PIGP: variants seen among roughly 807,000 people sequenced by gnomAD.
PIGP encodes phosphatidylinositol N-acetylglucosaminyltransferase subunit P.
In PIGP, 12 loss-of-function variants were observed where a neutral mutation model predicts 16.9. That is an observed-to-expected ratio of 0.71 (90% confidence interval 0.46 to 1.15). PIGP has a LOEUF of 1.15. Among genes scored for constraint, PIGP ranks in the 50% most tolerant of loss-of-function variants. The pLI, the probability that PIGP is intolerant of heterozygous loss-of-function variation, is 0.00. For synonymous variants in PIGP, 57 were observed against 54.7 expected (o/e 1.04, Z -0.18); for missense variants, 159 against 153.5 (o/e 1.04, Z -0.19).
Position 37,067,376 on chromosome 21 carries a change from A to T in PIGP, c.160T>A (p.Trp54Arg). The change falls in exon 4 of 5, where the codon TGG (tryptophan) becomes AGG (arginine). Residue 54 changes from tryptophan (W) to arginine (R), a missense_variant. By Grantham distance (101) the Trp-to-Arg change is moderately radical. Coordinates refer to ENST00000360525, the MANE Select transcript of PIGP (RefSeq NM_153682.3). ...AGGTAGACAGGTAATGCAACTGCCCAATATCTGCCAAAGAGAATATTAAAG... is the reference window on the plus strand; with the variant it reads ...AGGTAGACAGGTAATGCAACTGCCCTATATCTGCCAAAGAGAATATTAAAG... The part of the protein sequence containing the change: ...LGLTYWPQKY[W>R]AVALPVYLLI... 1 of 1,530,356 alleles carries T rather than the reference A, an allele frequency of 6.5e-7. No individual in the cohort carries two copies. The highest frequency in any genetic ancestry group is 9.1e-7 in the Non-Finnish European group (1 of 1,103,974). The allele number at this position is 1,530,356 out of a possible 1,614,324, so 94.8% of individuals were successfully genotyped here. A position where few individuals can be genotyped will look rare whatever the true frequency, so the allele number is the denominator to read the frequency against.
intron 2 of PIGP, 164 bp downstream of exon 2, chr21:37,072,270 C>T (rs2070112354): frequency 3.1e-6 from 5 of 1,608,768 alleles, no homozygotes; most frequent in Middle Eastern, 1.7e-4. Context: ...CTAGTGCTGG[C>T]ACACGGAACA....
chr21:37,067,794 T>C (rs550018746), intron 3 of PIGP, among the ~76,000 whole-genome samples: 5 of 152,332 alleles, frequency 3.3e-5, no homozygotes, highest in Admixed American at 6.5e-5. Context: ...TAGAAATAAT[T>C]GTACCTACAT....
At chr21:37,070,326 ATTC>A (rs916698669) in intron 2 of PIGP, among the ~76,000 whole-genome samples, 1 of 152,220 alleles carries the variant, frequency 6.6e-6, no homozygotes, top group Non-Finnish European at 1.5e-5. Flanking sequence ...GTGATGATGC[ATTC>A]TTTTCTTAAC....
At chr21:37,068,591 T>TA (rs2069946310) in intron 3 of PIGP, among the ~76,000 whole-genome samples, 1 of 152,306 alleles carries the variant, frequency 6.6e-6, no homozygotes, top group East Asian at 1.9e-4. Context: ...TCTGGTAACT[T>TA]AGAGTAGTCC....
At chr21:37,067,983 T>C (rs1047584806) in intron 3 of PIGP, among the ~76,000 whole-genome samples, 1 of 150,382 alleles carries the variant, frequency 6.6e-6, no homozygotes, top group Non-Finnish European at 1.5e-5. Flanking sequence ...TATCATTATG[T>C]ACATGGAGTG....
At chr21:37,066,625 A>T (rs2069907738) in intron 4 of PIGP, among the ~76,000 whole-genome samples, 1 of 152,190 alleles carries the variant, frequency 6.6e-6, no homozygotes. Context: ...TTATCCACTT[A>T]ATTGGAATAA....
intron 3 of PIGP, among the ~76,000 whole-genome samples, chr21:37,068,204 G>C (rs1431367427): frequency 8.3e-6 from 1 of 119,774 alleles, no homozygotes; most frequent in Non-Finnish European, 2.0e-5. Flanking sequence ...ATGTTGGCCA[G>C]ATGTTTTTTT....
intron 4 of PIGP, among the ~76,000 whole-genome samples, chr21:37,066,148 G>C (rs2069899998): frequency 6.6e-6 from 1 of 151,888 alleles, no homozygotes; most frequent in Non-Finnish European, 1.5e-5. Flanking sequence ...CATCAGTAAA[G>C]TACTTTTTTC....
rs1467664268 is a variant in PIGP at position 37,065,527 on chromosome 21, A to G, written c.*55T>C. The G allele has an allele frequency of 1.3e-6, 2 of 1,556,666 alleles. No individual in the cohort carries two copies. Among genetic ancestry groups the G allele is most frequent in the African/African-American group, 2.8e-5 (2 of 71,944 alleles). ...AAATTAATTTATGGTCAAAATTATAATGGCAAAAACTTATAAATAAATACG... is the reference window on the plus strand; with the variant it reads ...AAATTAATTTATGGTCAAAATTATAGTGGCAAAAACTTATAAATAAATACG... On this transcript the variant is annotated 3_prime_UTR_variant, in exon 5 of 5. Transcript: ENST00000360525.
rs1191927835 is a variant in PIGP at position 37,072,009 on chromosome 21, TCTTA to T, written c.82+421_82+424del. 1.4e-5 allele frequency: 10 copies of T among 714,154 alleles called. No homozygotes were observed. The East Asian group carries it at 2.3e-4, about 17-fold the overall frequency. The allele number at this position is 714,154 out of a possible 1,614,324, so 44.2% of individuals were successfully genotyped here. On this transcript the variant is annotated intron_variant, in intron 2 of 4. Transcript: ENST00000360525. The stretch of plus-strand genomic sequence containing the variant: ...AAGGCCTTTCCACTTCTTCCCTCCC[TCTTA>T]CTCTTTCCTAATCAGCATCAGTGCC...
intron 2 of PIGP, 117 bp downstream of exon 2, chr21:37,072,313 TAAAA>T (rs1282448550): frequency 1.3e-6 from 2 of 1,599,430 alleles, no homozygotes; most frequent in Non-Finnish European, 1.7e-6. Context: ...CAGATTTTCT[TAAAA>T]AGAGACATAG....
chr21:37,070,111 A>G (rs1186305832), intron 2 of PIGP, among the ~76,000 whole-genome samples: 1 of 152,216 alleles, frequency 6.6e-6, no homozygotes, highest in East Asian at 1.9e-4. Flanking sequence ...CTGTTATCCC[A>G]CGATAACAAC....
At chr21:37,071,734 AT>A in intron 2 of PIGP, among the ~76,000 whole-genome samples, 1 of 152,138 alleles carries the variant, frequency 6.6e-6, no homozygotes, top group Non-Finnish European at 1.5e-5. Context: ...GTGCCTCAAA[AT>A]TCTCAAATCA....
intron 4 of PIGP, among the ~76,000 whole-genome samples, chr21:37,066,936 GTATT>G (rs906004154): frequency 1.3e-5 from 2 of 151,090 alleles, no homozygotes; most frequent in South Asian, 2.1e-4. Context: ...ATATAAGTTT[GTATT>G]TATTTCTCTT....
chr21:37,071,792 G>A (rs138549475), intron 2 of PIGP, among the ~76,000 whole-genome samples: 8 of 152,246 alleles, frequency 5.3e-5, no homozygotes, highest in South Asian at 2.1e-4. Context: ...GCATATTAGT[G>A]TCTTAGTGAG....
At position 37,065,513 on chromosome 21, in the gene PIGP, T is replaced by C; in HGVS notation, c.*69A>G. ...TAAGAGAGATGGTCAAATTAATTTA[T>C]GGTCAAAATTATAATGGCAAAAACT... is the stretch of plus-strand genomic sequence containing the variant. On this transcript the variant is annotated 3_prime_UTR_variant, in exon 5 of 5. Coordinates refer to ENST00000360525, the MANE Select transcript of PIGP (RefSeq NM_153682.3). The C allele has an allele frequency of 6.7e-7, 1 of 1,488,076 alleles. No homozygotes were observed. Among genetic ancestry groups the C allele is most frequent in the Non-Finnish European group, 9.1e-7 (1 of 1,098,366 alleles). 92.2% of individuals were successfully genotyped at this position (1,488,076 alleles called of 1,614,324 possible).
At chr21:37,072,319 G>C (rs1346959739) in intron 2 of PIGP, 115 bp downstream of exon 2, 1 of 1,596,194 alleles carries the variant, frequency 6.3e-7, no homozygotes, top group South Asian at 1.1e-5. Context: ...TTCTTAAAAA[G>C]AGACATAGGG....
intron 3 of PIGP, 26 bp from the exon 4 acceptor site, chr21:37,067,406 T>C (rs1278072815): frequency 1.1e-5 from 13 of 1,222,058 alleles, no homozygotes; most frequent in Non-Finnish European, 1.3e-5. Flanking sequence ...TTAAAGTACA[T>C]AATAGACACT....
chr21:37,072,012 T>TA, intron 2 of PIGP: 1 of 721,578 alleles, frequency 1.4e-6, no homozygotes. Flanking sequence ...CCCTCCCTCT[T>TA]ACTCTTTCCT....
Sources: gnomAD v4.1 joint callset for allele counts (sites outside exome capture counted in the v4.1 genomes callset) on GRCh38, gnomAD v4.1.1 for gene constraint, MANE v1.5 for transcripts, NCBI Gene and HGNC (gene_info 2026-07-23, HGNC 2026-07-21) for gene names.